Variants in MYLK3 observed in about 807,000 individuals in gnomAD.
MYLK3 encodes myosin light chain kinase 3.
In MYLK3, 55 loss-of-function variants were observed where a neutral mutation model predicts 76.3. The ratio of observed to expected loss-of-function variants is 0.72; its 90% confidence interval spans 0.58 to 0.90. The LOEUF (loss-of-function observed/expected upper bound fraction) is 0.90. Ranked by LOEUF, MYLK3 falls within the 40% of genes least tolerant of loss-of-function variation. The probability of loss-of-function intolerance (pLI) is 0.00; values close to 1 mark genes in which losing one functional copy is unlikely to be tolerated. For synonymous variants in MYLK3, 416 were observed against 425.4 expected (o/e 0.98, Z 0.27); for missense variants, 973 against 1,053.6 (o/e 0.92, Z 1.06).
At chr16:46,751,815 C>A (rs775258214), upstream of MYLK3, among the ~76,000 whole-genome samples, 6 of 152,184 alleles carry the variant, frequency 3.9e-5, no homozygotes, top group Non-Finnish European at 7.3e-5. Flanking sequence ...CCAGAAGGAC[C>A]AGCTTTAACC....
chr16:46,707,866 G>T, intron 12 of MYLK3, 103 bp from the exon 13 acceptor site: 1 of 757,648 alleles, frequency 1.3e-6, no homozygotes, highest in Non-Finnish European at 2.1e-6. Flanking sequence ...AGCCACTGGG[G>T]TTGGTTTAAA....
At chr16:46,759,691 G>T (rs1370258648) in intron 1 of MYLK3, among the ~76,000 whole-genome samples, 1 of 151,220 alleles carries the variant, frequency 6.6e-6, no homozygotes, top group South Asian at 2.1e-4. Flanking sequence ...GAAGAGGCGC[G>T]ATCTCTGCTC....
intron 9 of MYLK3, among the ~76,000 whole-genome samples, chr16:46,719,909 G>A (rs1966782683): frequency 6.6e-6 from 1 of 152,228 alleles, no homozygotes; most frequent in Non-Finnish European, 1.5e-5. Flanking sequence ...CTGATGTGGT[G>A]GCTCACGCCT....
chr16:46,704,363 G>A lies in MYLK3; in HGVS notation c.*3341C>T, dbSNP rs926665517. 2.0e-5 allele frequency: 3 copies of A among 152,204 alleles called. No individual in the cohort carries two copies. Among genetic ancestry groups the A allele is most frequent in the African/African-American group, 7.2e-5 (3 of 41,448 alleles). 9.4% of individuals were successfully genotyped at this position (152,204 alleles called of 1,614,324 possible). On this transcript the variant is annotated 3_prime_UTR_variant, in exon 13 of 13. Coordinates refer to ENST00000394809, the MANE Select transcript of MYLK3 (RefSeq NM_182493.3). ...CAAAGTGCTGGGATTACAGATGTGA[G>A]CCACCATGCCTAGCCTTGACATGTG... is the stretch of plus-strand genomic sequence containing the variant.
chr16:46,735,702 G>A (rs754613320), intron 3 of MYLK3, among the ~76,000 whole-genome samples: 6 of 152,210 alleles, frequency 3.9e-5, no homozygotes, highest in Non-Finnish European at 7.3e-5. Context: ...CAGGTAGGAA[G>A]GGAAGTGTGG....
At chr16:46,735,238 T>C (rs1966862734) in intron 3 of MYLK3, among the ~76,000 whole-genome samples, 1 of 152,136 alleles carries the variant, frequency 6.6e-6, no homozygotes, top group African/African-American at 2.4e-5. Context: ...AAAGTCTCGG[T>C]CTTGTCCCCT....
chr16:46,724,736 C>T (rs1372253568), intron 8 of MYLK3, among the ~76,000 whole-genome samples: 3 of 152,174 alleles, frequency 2.0e-5, no homozygotes, highest in Non-Finnish European at 2.9e-5. Flanking sequence ...AAAGTTAGTC[C>T]TCCAAATTCG....
chr16:46,760,593 C>A (rs1967264145), intron 1 of MYLK3, among the ~76,000 whole-genome samples: 1 of 152,162 alleles, frequency 6.6e-6, no homozygotes, highest in Non-Finnish European at 1.5e-5. Context: ...GATGGGATGA[C>A]TATGTAACTC....
At chr16:46,749,435 A>G (rs1967089292), upstream of MYLK3, among the ~76,000 whole-genome samples, 1 of 152,232 alleles carries the variant, frequency 6.6e-6, no homozygotes, top group Non-Finnish European at 1.5e-5. Flanking sequence ...GAATAAAAGC[A>G]ATTATGATAA....
Position 46,747,668 on chromosome 16 carries a change from C to A in MYLK3, c.477+49G>T, listed in dbSNP as rs745528054. ...CACTGGCTGCCTGGCCAGTCTCCCACCAGGGCCGGGGCCTCCCATCCAGCC... is the reference window on the plus strand; with the variant it reads ...CACTGGCTGCCTGGCCAGTCTCCCAACAGGGCCGGGGCCTCCCATCCAGCC... On this transcript the variant is annotated intron_variant, in intron 1 of 12. Coordinates refer to ENST00000394809, the MANE Select transcript of MYLK3 (RefSeq NM_182493.3). The A allele has an allele frequency of 4.5e-6, 7 of 1,562,424 alleles. No individual in the cohort carries two copies. In the African/African-American group the frequency reaches 9.4e-5, roughly 21 times the overall value.
intron 1 of MYLK3, among the ~76,000 whole-genome samples, chr16:46,761,159 C>G (rs189693986): frequency 6.6e-6 from 1 of 152,222 alleles, no homozygotes; most frequent in African/African-American, 2.4e-5. Flanking sequence ...AAAGACGGTT[C>G]TAGTGAGGTC....
At position 46,712,787 on chromosome 16, in the gene MYLK3, G is replaced by A. The variant is rs1199646966; in HGVS notation, c.1986-11C>T. 1.9e-6 allele frequency: 3 copies of A among 1,581,574 alleles called. No homozygotes were observed. The highest frequency in any genetic ancestry group is 1.8e-5 in the Admixed American group (1 of 55,610). The stretch of plus-strand genomic sequence containing the variant: ...TCTCGAGGCTTGTACCTGGGGAGAA[G>A]GGGAGGGTACAAAGAAGCATGGGGT... On this transcript the variant is annotated splice_polypyrimidine_tract_variant and intron_variant, in intron 9 of 12. Transcript: ENST00000394809.
At chr16:46,732,174 G>A in intron 4 of MYLK3, 34 bp downstream of exon 4, 1 of 1,523,454 alleles carries the variant, frequency 6.6e-7, no homozygotes, top group Non-Finnish European at 8.8e-7. Context: ...CTCCCCTCAG[G>A]GCTCGTGTCT....
chr16:46,717,323 G>A (rs976213247), intron 9 of MYLK3, among the ~76,000 whole-genome samples: 5 of 152,210 alleles, frequency 3.3e-5, no homozygotes, highest in Non-Finnish European at 7.3e-5. Flanking sequence ...GCTGTGGTGT[G>A]AGAGCAGAGG....
At chr16:46,761,355 T>G (rs902637794) in intron 1 of MYLK3, among the ~76,000 whole-genome samples, 4 of 151,878 alleles carry the variant, frequency 2.6e-5, no homozygotes, top group African/African-American at 9.7e-5. Flanking sequence ...CTATGGAACA[T>G]TTTGGGGTGG....
rs1176665679 is a variant in MYLK3 at position 46,740,160 on chromosome 16, C to T, written c.478-13G>A. ...CTCGCTCTTTATTCTAAAATAACAA[C>T]CATAAAAAATGTCATCATTATCATC... On this transcript the variant is annotated splice_polypyrimidine_tract_variant and intron_variant, in intron 1 of 12. Transcript: ENST00000394809. The T allele has an allele frequency of 3.7e-6, 6 of 1,609,324 alleles. No homozygotes were observed. The highest frequency in any genetic ancestry group is 5.1e-6 in the Non-Finnish European group (6 of 1,176,026).
chr16:46,741,697 C>A (rs1350851624), intron 1 of MYLK3, among the ~76,000 whole-genome samples: 1 of 152,210 alleles, frequency 6.6e-6, no homozygotes, highest in Non-Finnish European at 1.5e-5. Context: ...CCTTCCCCTG[C>A]CTTGCCACAG....
chr16:46,710,924 A>G lies in MYLK3; in HGVS notation c.2115-135T>C, dbSNP rs1966677402. 3 of 932,868 alleles carry G rather than the reference A, an allele frequency of 3.2e-6. No individual in the cohort carries two copies. The South Asian group carries it at 4.2e-5, about 13-fold the overall frequency. 57.8% of individuals were successfully genotyped at this position (932,868 alleles called of 1,614,324 possible). Reference sequence around the variant, plus strand: ...GGTTCAAAATAAAAGCACCTCCACTACTTCTCCACAGGATGGAGTCCAGTG... The same window carrying G: ...GGTTCAAAATAAAAGCACCTCCACTGCTTCTCCACAGGATGGAGTCCAGTG... On this transcript the variant is annotated intron_variant, in intron 10 of 12. Transcript: ENST00000394809.
intron 12 of MYLK3, 146 bp from the exon 13 acceptor site, chr16:46,707,909 T>A (rs1966642690): frequency 5.5e-6 from 3 of 542,310 alleles, no homozygotes; most frequent in Non-Finnish European, 9.7e-6. Context: ...GTTTCTAAAA[T>A]AATTATAGAA....
Sources: gnomAD v4.1 joint callset for allele counts (sites outside exome capture counted in the v4.1 genomes callset) on GRCh38, gnomAD v4.1.1 for gene constraint, MANE v1.5 for transcripts, NCBI Gene and HGNC (gene_info 2026-07-23, HGNC 2026-07-21) for gene names.